The following SUGCT variants were observed in gnomAD, a reference collection of about 807,000 sequenced individuals.
SUGCT encodes the protein succinyl-CoA:glutarate CoA-transferase.
In SUGCT, 41 loss-of-function variants were observed where a neutral mutation model predicts 55.0. That is an observed-to-expected ratio of 0.74 (90% CI 0.58 to 0.97). SUGCT has a LOEUF of 0.97. Among genes scored for constraint, SUGCT ranks in the 50% least tolerant of loss-of-function variants. The probability of loss-of-function intolerance (pLI) is 0.00; values close to 1 mark genes in which losing one functional copy is unlikely to be tolerated. For synonymous variants in SUGCT, 187 were observed against 200.4 expected (o/e 0.93, Z 0.56); for missense variants, 568 against 547.8 (o/e 1.04, Z -0.37).
At chr7:40,635,377 T>G (rs1036983447) in intron 12 of SUGCT, among the ~76,000 whole-genome samples, 1 of 151,398 alleles carries the variant, frequency 6.6e-6, no homozygotes, top group Non-Finnish European at 1.5e-5. Context: ...AAGTTGGATA[T>G]ACTATGAAAG....
chr7:40,945,955 A>G, the SUGCT span, among the ~76,000 whole-genome samples: 3 of 152,150 alleles, frequency 2.0e-5, no homozygotes, highest in Non-Finnish European at 4.4e-5. Context: ...CAGAGGAGTG[A>G]TATAGAATCT....
chr7:40,968,653 G>T, the SUGCT span, among the ~76,000 whole-genome samples: 1 of 152,178 alleles, frequency 6.6e-6, no homozygotes, highest in Non-Finnish European at 1.5e-5. Context: ...AAGTGCTGCT[G>T]ATCTCAAGAC....
intron 12 of SUGCT, among the ~76,000 whole-genome samples, chr7:40,707,477 T>G (rs958179293): frequency 2.0e-5 from 3 of 152,226 alleles, no homozygotes; most frequent in Non-Finnish European, 2.9e-5. Flanking sequence ...CTGAAGGAAG[T>G]GCTTGTAGAA....
chr7:40,225,099 CA>C (rs1381939088), intron 6 of SUGCT, among the ~76,000 whole-genome samples: 1 of 152,152 alleles, frequency 6.6e-6, no homozygotes, highest in African/African-American at 2.4e-5. Context: ...AATTGCCAGA[CA>C]AAACATACCT....
intron 7 of SUGCT, among the ~76,000 whole-genome samples, chr7:40,258,439 C>T (rs1036423949): frequency 9.2e-5 from 14 of 152,108 alleles, no homozygotes; most frequent in East Asian, 3.9e-4. Flanking sequence ...AGTGCAATGG[C>T]GCGATCTTGG....
chr7:40,366,245 C>T (rs1783953892), intron 9 of SUGCT, among the ~76,000 whole-genome samples: 1 of 152,180 alleles, frequency 6.6e-6, no homozygotes, highest in African/African-American at 2.4e-5. Flanking sequence ...CTTCCTTACA[C>T]CTTATACAAA....
chr7:40,317,185 A>G (rs1795489511), intron 9 of SUGCT, among the ~76,000 whole-genome samples: 1 of 151,730 alleles, frequency 6.6e-6, no homozygotes, highest in Non-Finnish European at 1.5e-5. Flanking sequence ...TTTATAAAGC[A>G]TGATTTGTTA....
At chr7:40,875,365 T>C in the SUGCT span, among the ~76,000 whole-genome samples, 3 of 152,224 alleles carry the variant, frequency 2.0e-5, no homozygotes, top group African/African-American at 7.2e-5. Context: ...AGTTCCATAT[T>C]GTCTAAAGTT....
the SUGCT span, among the ~76,000 whole-genome samples, chr7:41,009,173 C>T: frequency 7.0e-6 from 1 of 142,968 alleles, no homozygotes; most frequent in Admixed American, 7.0e-5. Context: ...ATGACAGTGC[C>T]ACTGCACTTC....
At chr7:40,828,655 C>G (rs1248039093) in intron 13 of SUGCT, among the ~76,000 whole-genome samples, 1 of 149,092 alleles carries the variant, frequency 6.7e-6, no homozygotes, top group Non-Finnish European at 1.5e-5. Context: ...TTACCCTTTA[C>G]ATTAATTTGA....
Position 40,647,925 on chromosome 7 carries a change from C to A in SUGCT, c.1090-101509C>A, listed in dbSNP as rs78723328. ...ATTGGTGTATAATCTTCATTATTAC[C>A]TTATGAGTAAACCCACAGCTATCCT... On this transcript the variant is annotated intron_variant, in intron 12 of 13. Transcript: ENST00000335693. 3.4e-3 allele frequency among the ~76,000 whole-genome samples: 525 copies of A among 152,218 alleles called. 9 individuals carry two copies. The highest frequency in any genetic ancestry group is 0.031 in the East Asian group (160 of 5,180).
chr7:40,917,735 G>T, the SUGCT span, among the ~76,000 whole-genome samples: 1 of 152,100 alleles, frequency 6.6e-6, no homozygotes, highest in Non-Finnish European at 1.5e-5. Flanking sequence ...CTTTGGCGAG[G>T]GCCCTCTTCA....
intron 1 of SUGCT, among the ~76,000 whole-genome samples, chr7:40,163,015 C>CT (rs1229025112): frequency 2.6e-5 from 4 of 152,176 alleles, no homozygotes; most frequent in Admixed American, 1.3e-4. Context: ...ACATGTGTAG[C>CT]TACACTATTT....
intron 6 of SUGCT, among the ~76,000 whole-genome samples, chr7:40,223,151 C>G (rs1425237007): frequency 6.6e-6 from 1 of 151,946 alleles, no homozygotes; most frequent in Non-Finnish European, 1.5e-5. Flanking sequence ...ACCTCCGCCT[C>G]CTGTGTTCAA....
At chr7:40,352,455 C>G (rs1385571387) in intron 9 of SUGCT, among the ~76,000 whole-genome samples, 1 of 152,038 alleles carries the variant, frequency 6.6e-6, no homozygotes, top group Non-Finnish European at 1.5e-5. Flanking sequence ...AATCCTCTCC[C>G]TCCTCCTTCC....
At chr7:40,159,668 C>T (rs534676728) in intron 1 of SUGCT, among the ~76,000 whole-genome samples, 10 of 152,170 alleles carry the variant, frequency 6.6e-5, no homozygotes, top group Admixed American at 1.3e-4. Flanking sequence ...CGTGCCTGGC[C>T]GGATTCTAGT....
chr7:40,954,819 G>A, the SUGCT span, among the ~76,000 whole-genome samples: 6 of 152,132 alleles, frequency 3.9e-5, no homozygotes, highest in Admixed American at 3.9e-4. Context: ...TTTGTATAAG[G>A]TGTAAGGAAG....
At chr7:40,266,429 G>A (rs1307919327) in intron 7 of SUGCT, among the ~76,000 whole-genome samples, 2 of 151,818 alleles carry the variant, frequency 1.3e-5, no homozygotes, top group Admixed American at 6.6e-5. Context: ...GATTACAGAT[G>A]TGAGCCACTG....
At chr7:40,820,903 T>A (rs1485856822) in intron 13 of SUGCT, among the ~76,000 whole-genome samples, 1 of 152,312 alleles carries the variant, frequency 6.6e-6, no homozygotes, top group African/African-American at 2.4e-5. Context: ...TCTGGGTTTG[T>A]CATAAATAGC....
Sources: gnomAD v4.1 joint callset for allele counts (sites outside exome capture counted in the v4.1 genomes callset) on GRCh38, gnomAD v4.1.1 for gene constraint, MANE v1.5 for transcripts, NCBI Gene and HGNC (gene_info 2026-07-23, HGNC 2026-07-21) for gene names.